ATRNL1: variants seen among roughly 807,000 people sequenced by gnomAD.
The protein encoded by ATRNL1 is attractin like 1.
ATRNL1 carries 95 observed loss-of-function variants against 182.7 expected under a neutral mutation model. The ratio of observed to expected loss-of-function variants is 0.52; its 90% CI spans 0.44 to 0.62. The LOEUF (loss-of-function observed/expected upper bound fraction) is 0.62, where lower values mean the gene tolerates loss of function less well. Among genes scored for constraint, ATRNL1 ranks in the 20% least tolerant of loss-of-function variants. ATRNL1 has a pLI of 0.00. For missense variants in ATRNL1, 1,471 were observed against 1,679.5 expected, an observed-to-expected ratio of 0.88 and a Z score of 2.17; for synonymous variants, 576 against 568.3, an observed-to-expected ratio of 1.01 and a Z score of -0.19.
chr10:115,603,122 A>G (rs1212663614), intron 26 of ATRNL1, among the ~76,000 whole-genome samples: 1 of 152,106 alleles, frequency 6.6e-6, no homozygotes, highest in Non-Finnish European at 1.5e-5. Flanking sequence ...TTTAAACTGC[A>G]GTTTTGAGAT....
At chr10:115,580,724 T>C (rs1205020971) in intron 26 of ATRNL1, among the ~76,000 whole-genome samples, 5 of 151,974 alleles carry the variant, frequency 3.3e-5, no homozygotes, top group East Asian at 1.9e-4. Context: ...CTATAATGTA[T>C]GTAATTGTTA....
chr10:115,394,932 A>T (rs112836450), intron 20 of ATRNL1, among the ~76,000 whole-genome samples, 180 bp downstream of exon 20: 1 of 151,926 alleles, frequency 6.6e-6, no homozygotes, highest in Non-Finnish European at 1.5e-5. Flanking sequence ...GTATTGCATG[A>T]TGCTGAGGTT....
At chr10:115,710,524 A>G (rs1947032871) in intron 26 of ATRNL1, among the ~76,000 whole-genome samples, 1 of 152,164 alleles carries the variant, frequency 6.6e-6, no homozygotes, top group Admixed American at 6.6e-5. Context: ...TGGATATTCC[A>G]CTGAAAGCTG....
At chr10:115,365,731 C>T (rs1454766724) in intron 19 of ATRNL1, among the ~76,000 whole-genome samples, 4 of 151,836 alleles carry the variant, frequency 2.6e-5, no homozygotes, top group African/African-American at 7.3e-5. Flanking sequence ...TCTTTGTTCT[C>T]GTTGGTTTCA....
At chr10:115,587,881 A>G (rs1855656302) in intron 26 of ATRNL1, among the ~76,000 whole-genome samples, 2 of 151,742 alleles carry the variant, frequency 1.3e-5, no homozygotes, top group African/African-American at 4.8e-5. Context: ...ACCAGTAGAG[A>G]AAACAAATAG....
intron 18 of ATRNL1, among the ~76,000 whole-genome samples, chr10:115,325,894 CT>C (rs35564176): frequency 8.0e-4 from 115 of 144,156 alleles, no homozygotes; most frequent in Middle Eastern, 3.6e-3. Flanking sequence ...GATGTTAAAA[CT>C]TTTTTTTTTT....
At chr10:115,134,885 G>A (rs1845431637) in intron 5 of ATRNL1, among the ~76,000 whole-genome samples, 2 of 152,214 alleles carry the variant, frequency 1.3e-5, no homozygotes, top group South Asian at 4.2e-4. Context: ...TTCAACATAT[G>A]CAAATCAATA....
At chr10:115,293,347 T>C (rs2133956734) in intron 15 of ATRNL1, among the ~76,000 whole-genome samples, 1 of 152,262 alleles carries the variant, frequency 6.6e-6, no homozygotes, top group East Asian at 1.9e-4. Flanking sequence ...TTCATTTACT[T>C]TCAAGGTTAT....
chr10:115,600,398 C>T (rs1856526845), intron 26 of ATRNL1, among the ~76,000 whole-genome samples: 1 of 152,096 alleles, frequency 6.6e-6, no homozygotes, highest in African/African-American at 2.4e-5. Context: ...TTCTCCGCAT[C>T]CTTGCCAGCA....
intron 26 of ATRNL1, among the ~76,000 whole-genome samples, chr10:115,559,890 C>A (rs1404953431): frequency 6.6e-6 from 1 of 152,012 alleles, no homozygotes; most frequent in East Asian, 1.9e-4. Flanking sequence ...GTAGTCAGAG[C>A]AGTTAGGCAA....
At chr10:115,917,482 A>AAG (rs1481679504) in intron 28 of ATRNL1, among the ~76,000 whole-genome samples, 16 of 8,368 alleles carry the variant, frequency 1.9e-3, no homozygotes, top group Non-Finnish European at 8.2e-3. Flanking sequence ...AAAAAAAAAA[A>AAG]AAAGAAAAAA....
chr10:115,726,281 T>A (rs1947594486), intron 26 of ATRNL1, among the ~76,000 whole-genome samples: 1 of 152,342 alleles, frequency 6.6e-6, no homozygotes, highest in Non-Finnish European at 1.5e-5. Flanking sequence ...TAAAAATATC[T>A]GTGAATAATG....
At chr10:115,240,952 A>G (rs1294546920) in intron 9 of ATRNL1, among the ~76,000 whole-genome samples, 6 of 152,068 alleles carry the variant, frequency 3.9e-5, no homozygotes, top group African/African-American at 7.2e-5. Flanking sequence ...CAATGAGTGC[A>G]ATCTATAGAC....
intron 27 of ATRNL1, among the ~76,000 whole-genome samples, chr10:115,739,022 A>G (rs1004179651): frequency 4.6e-5 from 7 of 152,126 alleles, no homozygotes; most frequent in Non-Finnish European, 1.5e-5. Flanking sequence ...TTTTCATTGC[A>G]CTATTGAAAT....
At chr10:115,189,837 C>T (rs1848101658) in intron 8 of ATRNL1, among the ~76,000 whole-genome samples, 1 of 152,124 alleles carries the variant, frequency 6.6e-6, no homozygotes, top group African/African-American at 2.4e-5. Flanking sequence ...TTCACATTCA[C>T]TCACCACTTA....
chr10:115,526,089 C>T (rs76497650), intron 25 of ATRNL1, among the ~76,000 whole-genome samples: 3 of 152,228 alleles, frequency 2.0e-5, no homozygotes, highest in East Asian at 1.9e-4. Flanking sequence ...TCCAGCATAA[C>T]GAAATGCTAG....
intron 24 of ATRNL1, among the ~76,000 whole-genome samples, chr10:115,500,919 A>AAT (rs1849797406): frequency 1.4e-5 from 1 of 73,058 alleles, no homozygotes. Context: ...TTCAGGTAAG[A>AAT]CTTTTTTTTT....
rs1859891468 is a variant in ATRNL1 at position 115,650,114 on chromosome 10, T to C, written c.3796-77134T>C. ...GAAAGCTTGTATCAGCCAAGTTAGG[T>C]AGAAAGCCTTATTAACATGGCCACT... On this transcript the variant is annotated intron_variant, in intron 26 of 28. Coordinates refer to ENST00000355044, the MANE Select transcript of ATRNL1 (RefSeq NM_207303.4). Among the ~76,000 whole-genome samples the C allele has an allele frequency of 3.3e-5, 5 of 152,058 alleles. No individual in the cohort carries two copies. The South Asian group carries it at 1.0e-3, about 32-fold the overall frequency.
At chr10:115,511,953 T>G (rs1554982752) in intron 24 of ATRNL1, among the ~76,000 whole-genome samples, 3 of 151,746 alleles carry the variant, frequency 2.0e-5, no homozygotes, top group Non-Finnish European at 2.9e-5. Context: ...TAATCAGTCT[T>G]TATTTTGATT....
Sources: gnomAD v4.1 joint callset for allele counts (sites outside exome capture counted in the v4.1 genomes callset) on GRCh38, gnomAD v4.1.1 for gene constraint, MANE v1.5 for transcripts, NCBI Gene and HGNC (gene_info 2026-07-23, HGNC 2026-07-21) for gene names.